The following SEMA3E variants were observed in gnomAD, a reference collection of about 807,000 sequenced individuals.
SEMA3E encodes the protein semaphorin 3E.
SEMA3E carries 49 observed loss-of-function variants against 93.6 expected under a neutral mutation model. The observed-to-expected ratio is 0.52, with a 90% CI of 0.42 to 0.66. SEMA3E has a LOEUF of 0.66. Ranked by LOEUF, SEMA3E falls within the 30% of genes least tolerant of loss-of-function variation. The probability of loss-of-function intolerance (pLI) is 0.00; values close to 1 mark genes in which losing one functional copy is unlikely to be tolerated. For missense variants in SEMA3E, 906 were observed against 964.8 expected (o/e 0.94, Z 0.81); for synonymous variants, 363 against 330.7 (o/e 1.10, Z -1.06).
chr7:83,573,555 T>C (rs1485900216), intron 1 of SEMA3E, among the ~76,000 whole-genome samples: 1 of 152,178 alleles, frequency 6.6e-6, no homozygotes, highest in Middle Eastern at 3.4e-3. Flanking sequence ...TGGTCAGTTA[T>C]AAAAATAACA....
At chr7:83,454,958 G>T (rs1289763690) in intron 4 of SEMA3E, among the ~76,000 whole-genome samples, 1 of 152,146 alleles carries the variant, frequency 6.6e-6, no homozygotes, top group East Asian at 1.9e-4. Flanking sequence ...TTTGTGTAAA[G>T]TATCTACATA....
At chr7:83,471,351 T>G (rs1338021698) in intron 2 of SEMA3E, among the ~76,000 whole-genome samples, 1 of 144,958 alleles carries the variant, frequency 6.9e-6, no homozygotes, top group African/African-American at 2.5e-5. Flanking sequence ...TCTGCACTAG[T>G]ATAGACCGCT....
chr7:83,415,835 A>G (rs1788528381), intron 5 of SEMA3E, among the ~76,000 whole-genome samples: 2 of 152,122 alleles, frequency 1.3e-5, no homozygotes, highest in Admixed American at 1.3e-4. Flanking sequence ...GTGACATATA[A>G]TTAACCATGA....
At chr7:83,576,809 T>C (rs1434376696) in intron 1 of SEMA3E, among the ~76,000 whole-genome samples, 7 of 152,016 alleles carry the variant, frequency 4.6e-5, no homozygotes, top group African/African-American at 1.7e-4. Flanking sequence ...GCATTTTTAG[T>C]AGAGATGGGG....
intron 1 of SEMA3E, among the ~76,000 whole-genome samples, chr7:83,530,508 A>G (rs2115723009): frequency 6.6e-6 from 1 of 152,360 alleles, no homozygotes; most frequent in Middle Eastern, 3.4e-3. Context: ...GGAACAGTAT[A>G]TAGCCATTAA....
At chr7:83,373,004 T>G (rs2116899193) in intron 16 of SEMA3E, 1 of 152,284 alleles carries the variant, frequency 6.6e-6, no homozygotes, top group East Asian at 1.9e-4. Context: ...GACCAGATTT[T>G]CTCTGTCAAG....
intron 2 of SEMA3E, among the ~76,000 whole-genome samples, chr7:83,487,824 A>G (rs1412941472): frequency 6.6e-6 from 1 of 151,980 alleles, no homozygotes; most frequent in Non-Finnish European, 1.5e-5. Flanking sequence ...GAAAGAAAGG[A>G]AAGATAGGGT....
intron 5 of SEMA3E, among the ~76,000 whole-genome samples, chr7:83,410,603 T>C (rs1286301112): frequency 6.6e-6 from 1 of 152,102 alleles, no homozygotes; most frequent in East Asian, 1.9e-4. Flanking sequence ...TGTCTATGTT[T>C]GAAGAAGTAG....
At chr7:83,420,750 C>G (rs983420557) in intron 4 of SEMA3E, among the ~76,000 whole-genome samples, 1 of 152,166 alleles carries the variant, frequency 6.6e-6, no homozygotes, top group Non-Finnish European at 1.5e-5. Flanking sequence ...ATAATTGGCA[C>G]TGGGATTGCT....
At chr7:83,393,243 C>A (rs1048334945) in intron 13 of SEMA3E, among the ~76,000 whole-genome samples, 1 of 152,076 alleles carries the variant, frequency 6.6e-6, no homozygotes, top group South Asian at 2.1e-4. Context: ...TCTATAGAAA[C>A]GGCTGGGTTT....
chr7:83,410,160 A>G (rs964575722), intron 5 of SEMA3E, among the ~76,000 whole-genome samples: 2 of 151,918 alleles, frequency 1.3e-5, no homozygotes, highest in Non-Finnish European at 2.9e-5. Flanking sequence ...TGAGATACAA[A>G]TAAATACAAT....
At chr7:83,436,245 C>G (rs1445053649) in intron 4 of SEMA3E, among the ~76,000 whole-genome samples, 1 of 151,374 alleles carries the variant, frequency 6.6e-6, no homozygotes, top group Non-Finnish European at 1.5e-5. Context: ...ACAAATAAAT[C>G]TAAAAGGTCA....
intron 2 of SEMA3E, among the ~76,000 whole-genome samples, chr7:83,474,064 C>T (rs1450571813): frequency 1.4e-5 from 2 of 147,516 alleles, no homozygotes; most frequent in Non-Finnish European, 3.0e-5. Flanking sequence ...TACACTCCAG[C>T]CTGGGCAACA....
chr7:83,423,084 C>A (rs1229447329), intron 4 of SEMA3E, among the ~76,000 whole-genome samples: 1 of 152,070 alleles, frequency 6.6e-6, no homozygotes, highest in East Asian at 1.9e-4. Flanking sequence ...ATTGAGTCGA[C>A]AAGAAACAAT....
intron 4 of SEMA3E, among the ~76,000 whole-genome samples, chr7:83,419,499 A>C (rs1788630125): frequency 6.6e-6 from 1 of 152,178 alleles, no homozygotes; most frequent in Non-Finnish European, 1.5e-5. Flanking sequence ...TTATTTGAGA[A>C]ATCTCTAAAC....
chr7:83,476,153 C>A (rs1790003653), intron 2 of SEMA3E, among the ~76,000 whole-genome samples: 1 of 152,218 alleles, frequency 6.6e-6, no homozygotes, highest in African/African-American at 2.4e-5. Context: ...CTCTGCTTTT[C>A]AACGTCCATT....
chr7:83,409,704 A>G (rs1038037629), intron 5 of SEMA3E, among the ~76,000 whole-genome samples: 7 of 151,810 alleles, frequency 4.6e-5, no homozygotes, highest in Non-Finnish European at 1.0e-4. Context: ...TGCAGGTATA[A>G]GAATTTGACC....
intron 4 of SEMA3E, among the ~76,000 whole-genome samples, chr7:83,446,641 C>G (rs2713174): frequency 6.6e-6 from 1 of 152,014 alleles, no homozygotes; most frequent in Non-Finnish European, 1.5e-5. Flanking sequence ...TTGTTACCAA[C>G]GTTAAACTCT....
chr7:83,564,973 A>C (rs1204203750), intron 1 of SEMA3E, among the ~76,000 whole-genome samples: 1 of 152,210 alleles, frequency 6.6e-6, no homozygotes, highest in Non-Finnish European at 1.5e-5. Context: ...AAGAAAAGAG[A>C]GAAGAATCAA....
Sources: gnomAD v4.1 joint callset for allele counts (sites outside exome capture counted in the v4.1 genomes callset) on GRCh38, gnomAD v4.1.1 for gene constraint, MANE v1.5 for transcripts, NCBI Gene and HGNC (gene_info 2026-07-23, HGNC 2026-07-21) for gene names.